NARS2: variants seen among roughly 807,000 people sequenced by gnomAD.
NARS2 encodes the protein asparaginyl-tRNA synthetase 2, mitochondrial.
NARS2 carries 60 observed loss-of-function variants against 62.9 expected under a neutral mutation model. The observed-to-expected ratio is 0.95, with a 90% CI of 0.77 to 1.18. The LOEUF (loss-of-function observed/expected upper bound fraction) is 1.18. Ranked by LOEUF, NARS2 falls within the 50% of genes most tolerant of loss-of-function variation. NARS2 has a pLI of 0.00. For missense variants in NARS2, 619 were observed against 576.4 expected, an observed-to-expected ratio of 1.07 and a Z score of -0.76; for synonymous variants, 196 against 200.0, an observed-to-expected ratio of 0.98 and a Z score of 0.17.
chr11:78,539,418 G>A (rs1855524001), intron 5 of NARS2, among the ~76,000 whole-genome samples: 1 of 152,076 alleles, frequency 6.6e-6, no homozygotes, highest in Admixed American at 6.5e-5. Flanking sequence ...ATGAGTAGAT[G>A]GTAACTTTCA....
intron 9 of NARS2, among the ~76,000 whole-genome samples, chr11:78,476,246 T>G (rs1859090121): frequency 6.6e-6 from 1 of 152,192 alleles, no homozygotes. Flanking sequence ...CTAAGATCCG[T>G]GTACTGGTTG....
intron 6 of NARS2, among the ~76,000 whole-genome samples, chr11:78,519,860 C>G (rs907726963): frequency 2.0e-5 from 3 of 152,046 alleles, no homozygotes; most frequent in Non-Finnish European, 4.4e-5. Flanking sequence ...GCCACCACGC[C>G]TGGCTAATTT....
rs141727538 is a variant in NARS2 at position 78,534,949 on chromosome 11, C to T, written c.595-6013G>A. ...TAAAAGAAATGTTTGAATAACCAAA[C>T]GTTAAAACATAGTATAAAGCCTCTA... On this transcript the variant is annotated intron_variant, in intron 5 of 13. Transcript: ENST00000281038. Among the ~76,000 whole-genome samples the T allele has an allele frequency of 7.2e-5, 11 of 152,262 alleles. No homozygotes were observed. The East Asian group carries it at 1.2e-3, about 16-fold the overall frequency.
chr11:78,572,430 G>A (rs978716718), intron 1 of NARS2, among the ~76,000 whole-genome samples: 5 of 152,174 alleles, frequency 3.3e-5, no homozygotes, highest in Admixed American at 1.3e-4. Context: ...TAGTAGAGTT[G>A]AGATTCAAAA....
chr11:78,494,185 G>A (rs1326697230), intron 6 of NARS2, among the ~76,000 whole-genome samples: 2 of 152,106 alleles, frequency 1.3e-5, no homozygotes, highest in Non-Finnish European at 2.9e-5. Flanking sequence ...ATAGTGAAGT[G>A]GACACTACAT....
At chr11:78,565,123 T>G (rs962322212) in intron 4 of NARS2, among the ~76,000 whole-genome samples, 3 of 152,212 alleles carry the variant, frequency 2.0e-5, no homozygotes, top group Non-Finnish European at 4.4e-5. Flanking sequence ...GAAGGTCCCT[T>G]CACCTTAGCA....
rs1488807354 is a variant in NARS2 at position 78,537,711 on chromosome 11, T to C, written c.595-8775A>G. On this transcript the variant is annotated intron_variant, in intron 5 of 13. Coordinates refer to ENST00000281038, the MANE Select transcript of NARS2 (RefSeq NM_024678.6). ...AGCTACTGAGGAGGCTGAGGAAGGATTGCTTGAGCACAGAAGTTCAAGGCG... is the reference window on the plus strand; with the variant it reads ...AGCTACTGAGGAGGCTGAGGAAGGACTGCTTGAGCACAGAAGTTCAAGGCG... Among the ~76,000 whole-genome samples the C allele has an allele frequency of 3.3e-5, 5 of 152,142 alleles. No individual in the cohort carries two copies. In the East Asian group the frequency reaches 5.8e-4, roughly 18 times the overall value.
chr11:78,436,884 T>C, intron 13 of NARS2, 70 bp from the exon 14 acceptor site: 1 of 1,476,206 alleles, frequency 6.8e-7, no homozygotes, highest in Non-Finnish European at 9.3e-7. Context: ...TAGAATTTAA[T>C]GTTTCAAACG....
chr11:78,566,052 T>A (rs1856731248), intron 4 of NARS2, 80 bp downstream of exon 4: 12 of 1,185,968 alleles, frequency 1.0e-5, no homozygotes, highest in Non-Finnish European at 1.3e-5. Context: ...CATGTTAACA[T>A]CAGGAGAAAA....
chr11:78,443,939 A>G, intron 11 of NARS2, 181 bp from the exon 12 acceptor site: 1 of 422,298 alleles, frequency 2.4e-6, no homozygotes, highest in East Asian at 3.5e-5. Flanking sequence ...TGTGTAGTAT[A>G]CTGAACACAA....
chr11:78,438,893 A>C (rs1857492389), intron 13 of NARS2, among the ~76,000 whole-genome samples: 1 of 152,192 alleles, frequency 6.6e-6, no homozygotes, highest in Non-Finnish European at 1.5e-5. Flanking sequence ...GAAGGAAGCA[A>C]ATTCAAGGAG....
chr11:78,464,013 C>T (rs919243415), intron 11 of NARS2, among the ~76,000 whole-genome samples: 2 of 152,178 alleles, frequency 1.3e-5, no homozygotes, highest in East Asian at 1.9e-4. Context: ...CGGACCCTCA[C>T]GGTGAGTGTT....
chr11:78,534,609 T>G (rs568851032), intron 5 of NARS2, among the ~76,000 whole-genome samples: 3 of 152,190 alleles, frequency 2.0e-5, no homozygotes, highest in African/African-American at 7.2e-5. Flanking sequence ...CTCAAACCTC[T>G]TAAGATCAAA....
chr11:78,475,725 T>C (rs571588123), intron 9 of NARS2, among the ~76,000 whole-genome samples: 2 of 151,452 alleles, frequency 1.3e-5, no homozygotes, highest in Non-Finnish European at 2.9e-5. Context: ...GTCTCCTGAG[T>C]AGCTGGCACT....
At chr11:78,451,489 C>T (rs1307516549) in intron 11 of NARS2, among the ~76,000 whole-genome samples, 8 of 152,098 alleles carry the variant, frequency 5.3e-5, no homozygotes, top group East Asian at 1.9e-4. Context: ...TATTGGGAGC[C>T]GGTTAAGAGT....
chr11:78,530,388 T>C (rs1227584346), intron 5 of NARS2, among the ~76,000 whole-genome samples: 1 of 152,232 alleles, frequency 6.6e-6, no homozygotes, highest in Non-Finnish European at 1.5e-5. Context: ...CTTTAGTCTA[T>C]AATTTGTACT....
chr11:78,488,234 TAAAAA>T (rs34959536), intron 7 of NARS2, among the ~76,000 whole-genome samples: 99 of 128,888 alleles, frequency 7.7e-4, no homozygotes, highest in Admixed American at 1.4e-3. Context: ...GCCTACCTGG[TAAAAA>T]AAAAAAAAAA....
In NARS2 at chr11:78,436,642, G is replaced by A. The variant is rs201249336; in HGVS notation, c.*28C>T. The A allele has an allele frequency of 1.1e-3, 1,846 of 1,612,954 alleles. 2 individuals are homozygous for A. The highest frequency in any genetic ancestry group is 1.4e-3 in the Non-Finnish European group (1,686 of 1,179,216). On this transcript the variant is annotated 3_prime_UTR_variant, in exon 14 of 14. Transcript: ENST00000281038. ...TCATGTGCAGTGTCTCTGCCATGGG[G>A]GGTGCTTTTCCTTAACCAATCTTCC...
intron 11 of NARS2, among the ~76,000 whole-genome samples, chr11:78,458,054 G>A (rs1309453831): frequency 6.6e-6 from 1 of 152,114 alleles, no homozygotes; most frequent in African/African-American, 2.4e-5. Flanking sequence ...GTATTCTGCA[G>A]CAATATAGGG....
Sources: allele counts gnomAD v4.1 joint callset (sites outside exome capture counted in the v4.1 genomes callset), GRCh38; gene constraint gnomAD v4.1.1; transcripts MANE v1.5; gene names NCBI Gene and HGNC (gene_info 2026-07-23, HGNC 2026-07-21).